DUSP7: variants seen among roughly 807,000 people sequenced by gnomAD.
DUSP7 encodes the protein dual specificity protein phosphatase 7.
DUSP7 carries 7 observed loss-of-function variants against 29.8 expected under a neutral mutation model. The ratio of observed to expected loss-of-function variants is 0.24; its 90% CI spans 0.13 to 0.44. The LOEUF is 0.44. Among genes scored for constraint, DUSP7 ranks in the 20% least tolerant of loss-of-function variants. The probability of loss-of-function intolerance (pLI) is 1.00; values close to 1 mark genes in which losing one functional copy is unlikely to be tolerated. For synonymous variants in DUSP7, 287 were observed against 275.4 expected (o/e 1.04, Z -0.42); for missense variants, 400 against 583.7 (o/e 0.69, Z 3.24).
At position 52,051,312 on chromosome 3, in the gene DUSP7, G is replaced by A. The variant is rs780396796; in HGVS notation, c.953-190C>T. 9.2e-5 allele frequency among the ~76,000 whole-genome samples: 14 copies of A among 152,220 alleles called. 1 individual carries two copies. Among genetic ancestry groups the A allele is most frequent in the African/African-American group, 3.1e-4 (13 of 41,446 alleles). Reference sequence around the variant, plus strand: ...AATAGAGGTCAACAGCACTGCTGTGGAGAGGGCTCTGCACACTTTAGCCCC... The same window carrying A: ...AATAGAGGTCAACAGCACTGCTGTGAAGAGGGCTCTGCACACTTTAGCCCC... On this transcript the variant is annotated intron_variant, in intron 2 of 2. Coordinates refer to ENST00000495880, the MANE Select transcript of DUSP7 (RefSeq NM_001947.4). The surrounding 1 kb of genome is among the most constrained non-coding windows in gnomAD (Gnocchi z 4.8).
In DUSP7 at chr3:52,054,325, G is replaced by A. The variant is rs754507366; in HGVS notation, c.567C>T (p.Asn189=). The change falls in exon 2 of 3, where the codon AAC becomes AAT. Residue 189 remains asparagine, a synonymous_variant. Transcript: ENST00000495880. The surrounding 1 kb of genome is among the most constrained non-coding windows in gnomAD (Gnocchi z 4.1). ...QTEYSEHCET[N]VDSSSSPSSS... The stretch of plus-strand genomic sequence containing the variant: ...TGCTCGGCGAGGAAGAGCTGTCCAC[G>A]TTGGTCTCGCAGTGCTCAGAGTACT... 40 of 1,569,218 alleles carry A rather than the reference G, an allele frequency of 2.5e-5. No homozygotes were observed. Among genetic ancestry groups the A allele is most frequent in the Non-Finnish European group, 2.9e-5 (34 of 1,156,980 alleles).
rs1330791146 is a variant in DUSP7, at chr3:52,054,183, C to G, written c.709G>C (p.Val237Leu). The G allele has an allele frequency of 1.2e-6, 2 of 1,613,730 alleles. No individual in the cohort carries two copies. Among genetic ancestry groups the G allele is most frequent in the Non-Finnish European group, 1.7e-6 (2 of 1,179,844 alleles). ...SSATESDGSP[V>L]PSSQPAFPVQ... ...GGGAAGGCTGGTTGGCTGGATGGCA[C>G]AGGGCTGCCGTCTGACTCGGTGGCA... The change falls in exon 2 of 3, where the codon GTG becomes CTG. Residue 237 changes from valine (V) to leucine (L), a missense_variant. Val to Leu is a conservative substitution (Grantham distance 32, BLOSUM62 1). Around this residue, in one of 4 missense-constraint regions of DUSP7, gnomAD observed 223 missense variants for 360.9 expected, o/e 0.62. Transcript: ENST00000495880. This position sits in a 1 kb window ranked among gnomAD's most constrained non-coding sequence, Gnocchi z 4.1.
Position 52,055,590 on chromosome 3 carries a change from G to A in DUSP7, c.517+260C>T, listed in dbSNP as rs117299655. Reference sequence around the variant, plus strand: ...AGGCACTACTGTCGCCCCATCAACAGGAAAAAAAAGGAAACCCCAGGCAGG... The same window carrying A: ...AGGCACTACTGTCGCCCCATCAACAAGAAAAAAAAGGAAACCCCAGGCAGG... On this transcript the variant is annotated intron_variant, in intron 1 of 2. Coordinates refer to ENST00000495880, the MANE Select transcript of DUSP7 (RefSeq NM_001947.4). Among the ~76,000 whole-genome samples, 285 of 152,136 alleles carry A rather than the reference G, an allele frequency of 1.9e-3. 11 individuals are homozygous for A. In the East Asian group the frequency reaches 0.044, roughly 24 times the overall value.
At position 52,049,865 on chromosome 3, in the gene DUSP7, C is replaced by T. The variant is rs1291850937; in HGVS notation, c.*950G>A. The T allele has an allele frequency of 6.6e-6, 1 of 152,212 alleles. No individual in the cohort carries two copies. Among genetic ancestry groups the T allele is most frequent in the Non-Finnish European group, 1.5e-5 (1 of 68,054 alleles). The allele number at this position is 152,212 out of a possible 1,614,324, so 9.4% of individuals were successfully genotyped here. On this transcript the variant is annotated 3_prime_UTR_variant, in exon 3 of 3. Coordinates refer to ENST00000495880, the MANE Select transcript of DUSP7 (RefSeq NM_001947.4). Reference sequence around the variant, plus strand: ...AGCCCAGGCCTTCTTAGGGGCTGACCCCAGAGGGCTAATGCTACTGCCTGG... The same window carrying T: ...AGCCCAGGCCTTCTTAGGGGCTGACTCCAGAGGGCTAATGCTACTGCCTGG...
At chr3:52,055,031 C>CCCCA (rs1352558682) in intron 1 of DUSP7, among the ~76,000 whole-genome samples, 14 of 152,210 alleles carry the variant, frequency 9.2e-5, no homozygotes, top group Non-Finnish European at 1.5e-4. Flanking sequence ...CAAGCCCCAC[C>CCCCA]CCCAGCCTTG....
Position 52,050,755 on chromosome 3 carries a change from C to G in DUSP7, c.*60G>C. The G allele has an allele frequency of 6.5e-7, 1 of 1,532,584 alleles. No homozygotes were observed. The highest frequency in any genetic ancestry group is 8.8e-7 in the Non-Finnish European group (1 of 1,134,058). 94.9% of individuals were successfully genotyped at this position (1,532,584 alleles called of 1,614,324 possible). A position where few individuals can be genotyped will look rare whatever the true frequency, so the allele number is the denominator to read the frequency against. On this transcript the variant is annotated 3_prime_UTR_variant, in exon 3 of 3. Coordinates refer to ENST00000495880, the MANE Select transcript of DUSP7 (RefSeq NM_001947.4). The surrounding 1 kb of genome is among the most constrained non-coding windows in gnomAD (Gnocchi z 5.0). ...CAGAGGTGGCGGGCTTGGGCTCTCCCACCTAGCCCTGTGGAGAGCCGAGCA... is the reference window on the plus strand; with the variant it reads ...CAGAGGTGGCGGGCTTGGGCTCTCCGACCTAGCCCTGTGGAGAGCCGAGCA...
At position 52,056,420 on chromosome 3, in the gene DUSP7, GC is replaced by G. The variant is rs1701901754; in HGVS notation, c.-55del. On this transcript the variant is annotated 5_prime_UTR_variant, in exon 1 of 3. Coordinates refer to ENST00000495880, the MANE Select transcript of DUSP7 (RefSeq NM_001947.4). The surrounding 1 kb of genome is among the most constrained non-coding windows in gnomAD (Gnocchi z 6.4). ...CCGGGCAGCCCTGCCCTGGGACGGC[GC>G]CCCGGCCGCGCGGGCCCCAGCCGCG... The G allele has an allele frequency of 1.1e-6, 1 of 936,060 alleles. No individual in the cohort carries two copies. The highest frequency in any genetic ancestry group is 1.3e-6 in the Non-Finnish European group (1 of 785,876). The allele number at this position is 936,060 out of a possible 1,614,324, so 58.0% of individuals were successfully genotyped here.
Position 52,053,754 on chromosome 3 carries a change from A to T in DUSP7, c.952+186T>A. Reference sequence around the variant, plus strand: ...GGAGACTGCTCAGGCCCCAACAGGTAGAGGGGCCCAAGGGACTCGGTGACT... The same window carrying T: ...GGAGACTGCTCAGGCCCCAACAGGTTGAGGGGCCCAAGGGACTCGGTGACT... On this transcript the variant is annotated intron_variant, in intron 2 of 2. Transcript: ENST00000495880. This position sits in a 1 kb window ranked among gnomAD's most constrained non-coding sequence, Gnocchi z 4.6. 1.6e-6 allele frequency: 1 copy of T among 636,652 alleles called. No individual in the cohort carries two copies. Among genetic ancestry groups the T allele is most frequent in the Non-Finnish European group, 2.7e-6 (1 of 367,270 alleles). 39.4% of individuals were successfully genotyped at this position (636,652 alleles called of 1,614,324 possible).
Position 52,051,091 on chromosome 3 carries a change from C to T in DUSP7, c.984G>A (p.Leu328=). The change falls in exon 3 of 3, where the codon CTG becomes CTA. Residue 328 remains leucine, a synonymous_variant. Coordinates refer to ENST00000495880, the MANE Select transcript of DUSP7 (RefSeq NM_001947.4). This position sits in a 1 kb window ranked among gnomAD's most constrained non-coding sequence, Gnocchi z 4.8. ...DEARSKKCGV[L]VHCLAGISRS... ...GGCTGATGCCTGCCAGGCAGTGCAC[C>T]AGGACACCACACTTCTTGGAGCGGG... 2 of 1,612,016 alleles carry T rather than the reference C, an allele frequency of 1.2e-6. No individual in the cohort carries two copies. The highest frequency in any genetic ancestry group is 1.3e-5 in the African/African-American group (1 of 75,054).
chr3:52,051,217 G>A lies in DUSP7; in HGVS notation c.953-95C>T. 7.0e-7 allele frequency: 1 copy of A among 1,423,810 alleles called. No homozygotes were observed. The highest frequency in any genetic ancestry group is 9.4e-7 in the Non-Finnish European group (1 of 1,061,354). The allele number at this position is 1,423,810 out of a possible 1,614,324, so 88.2% of individuals were successfully genotyped here. ...GGGCTGGGGCACAGAGGGCAGCATG[G>A]TGGCTGGCTGGTCTTGCCCGACCCC... is the stretch of plus-strand genomic sequence containing the variant. On this transcript the variant is annotated intron_variant, in intron 2 of 2. Coordinates refer to ENST00000495880, the MANE Select transcript of DUSP7 (RefSeq NM_001947.4). The surrounding 1 kb of genome is among the most constrained non-coding windows in gnomAD (Gnocchi z 4.8).
rs1701882052 is a variant in DUSP7, at chr3:52,054,771, C to G, written c.518-397G>C. Among the ~76,000 whole-genome samples, 1 of 152,184 alleles carries G rather than the reference C, an allele frequency of 6.6e-6. No homozygotes were observed. Among genetic ancestry groups the G allele is most frequent in the Non-Finnish European group, 1.5e-5 (1 of 68,022 alleles). On this transcript the variant is annotated intron_variant, in intron 1 of 2. Transcript: ENST00000495880. This position sits in a 1 kb window ranked among gnomAD's most constrained non-coding sequence, Gnocchi z 4.1. ...AAGTGGTAAAGAAAAGCAGACAACC[C>G]CATCTTAGCCAGCACCTCTGGGTTG... is the stretch of plus-strand genomic sequence containing the variant.
Position 52,053,845 on chromosome 3 carries a change from A to G in DUSP7, c.952+95T>C. ...ACGTAGGGCACACACAGGTCTCAACAGGCCCAGAGGTACCCAGTCAGGCGG... is the reference window on the plus strand; with the variant it reads ...ACGTAGGGCACACACAGGTCTCAACGGGCCCAGAGGTACCCAGTCAGGCGG... On this transcript the variant is annotated intron_variant, in intron 2 of 2. Coordinates refer to ENST00000495880, the MANE Select transcript of DUSP7 (RefSeq NM_001947.4). The surrounding 1 kb of genome is among the most constrained non-coding windows in gnomAD (Gnocchi z 4.6). 1 of 1,404,108 alleles carries G rather than the reference A, an allele frequency of 7.1e-7. No homozygotes were observed. The highest frequency in any genetic ancestry group is 1.0e-6 in the Non-Finnish European group (1 of 1,003,782). 87.0% of individuals were successfully genotyped at this position (1,404,108 alleles called of 1,614,324 possible).
chr3:52,056,157 C>A lies in DUSP7; in HGVS notation c.210G>T (p.Ala70=). ...GCCGGCAGTCGAGCAGCAGCAAGGA[C>A]GCGCCGCCGCGCGCCTCCAGCTCCT... is the stretch of plus-strand genomic sequence containing the variant. ...LQEELEARGG[A]SLLLLDCRPH... The change falls in exon 1 of 3, where the codon GCG becomes GCT. Residue 70 remains alanine, a synonymous_variant. Transcript: ENST00000495880. The surrounding 1 kb of genome is among the most constrained non-coding windows in gnomAD (Gnocchi z 6.4). The A allele has an allele frequency of 6.3e-7, 1 of 1,591,558 alleles. No homozygotes were observed. Among genetic ancestry groups the A allele is most frequent in the Non-Finnish European group, 8.5e-7 (1 of 1,175,040 alleles).
rs770045955 is a variant in DUSP7 at position 52,053,879 on chromosome 3, C to T, written c.952+61G>A. On this transcript the variant is annotated intron_variant, in intron 2 of 2. Transcript: ENST00000495880. This position sits in a 1 kb window ranked among gnomAD's most constrained non-coding sequence, Gnocchi z 4.6. Reference sequence around the variant, plus strand: ...GGTACCCAGTCAGGCGGGGGCGCCACCCAGAGTCCTGCATACACCTTGATG... The same window carrying T: ...GGTACCCAGTCAGGCGGGGGCGCCATCCAGAGTCCTGCATACACCTTGATG... 1.9e-6 allele frequency: 3 copies of T among 1,596,364 alleles called. No homozygotes were observed. The Middle Eastern group carries it at 5.0e-4, about 265-fold the overall frequency.
rs376534476 is a variant in DUSP7 at position 52,053,923 on chromosome 3, C to T, written c.952+17G>A. On this transcript the variant is annotated intron_variant, in intron 2 of 2. Transcript: ENST00000495880. This position sits in a 1 kb window ranked among gnomAD's most constrained non-coding sequence, Gnocchi z 4.6. ...CTTGATGCACCCACACCCCCCTGCC[C>T]AGCACACAGCACCTACCAATGAAGC... The T allele has an allele frequency of 9.3e-6, 15 of 1,613,960 alleles. No homozygotes were observed. In the African/African-American group the frequency reaches 1.7e-4, roughly 19 times the overall value.
Position 52,053,746 on chromosome 3 carries a change from C to G in DUSP7, c.952+194G>C. Reference sequence around the variant, plus strand: ...AGGACTCAGGAGACTGCTCAGGCCCCAACAGGTAGAGGGGCCCAAGGGACT... The same window carrying G: ...AGGACTCAGGAGACTGCTCAGGCCCGAACAGGTAGAGGGGCCCAAGGGACT... On this transcript the variant is annotated intron_variant, in intron 2 of 2. Coordinates refer to ENST00000495880, the MANE Select transcript of DUSP7 (RefSeq NM_001947.4). This position sits in a 1 kb window ranked among gnomAD's most constrained non-coding sequence, Gnocchi z 4.6. 1.6e-6 allele frequency: 1 copy of G among 626,994 alleles called. No individual in the cohort carries two copies. The highest frequency in any genetic ancestry group is 2.8e-6 in the Non-Finnish European group (1 of 359,850). 38.8% of individuals were successfully genotyped at this position (626,994 alleles called of 1,614,324 possible). A position where few individuals can be genotyped will look rare whatever the true frequency, so the allele number is the denominator to read the frequency against.
rs1701869975 is a variant in DUSP7, at chr3:52,053,828, C to T, written c.952+112G>A. On this transcript the variant is annotated intron_variant, in intron 2 of 2. Transcript: ENST00000495880. This position sits in a 1 kb window ranked among gnomAD's most constrained non-coding sequence, Gnocchi z 4.6. Reference sequence around the variant, plus strand: ...CGGGCACACGCTGGCACACGTAGGGCACACACAGGTCTCAACAGGCCCAGA... The same window carrying T: ...CGGGCACACGCTGGCACACGTAGGGTACACACAGGTCTCAACAGGCCCAGA... 2 of 1,202,130 alleles carry T rather than the reference C, an allele frequency of 1.7e-6. No homozygotes were observed. Among genetic ancestry groups the T allele is most frequent in the East Asian group, 2.4e-5 (1 of 40,836 alleles). 74.5% of individuals were successfully genotyped at this position (1,202,130 alleles called of 1,614,324 possible). A position where few individuals can be genotyped will look rare whatever the true frequency, so the allele number is the denominator to read the frequency against.
In DUSP7 at chr3:52,056,373, C is replaced by G; in HGVS notation, c.-7G>C. The stretch of plus-strand genomic sequence containing the variant: ...CGCGGAGCTGGTTTTTCATGGGGAG[C>G]GCGGGCGGCCCGGGGCCGGGGCCGG... On this transcript the variant is annotated 5_prime_UTR_variant, in exon 1 of 3. Transcript: ENST00000495880. The surrounding 1 kb of genome is among the most constrained non-coding windows in gnomAD (Gnocchi z 6.4). 9.1e-7 allele frequency: 1 copy of G among 1,098,446 alleles called. No homozygotes were observed. Among genetic ancestry groups the G allele is most frequent in the Non-Finnish European group, 1.1e-6 (1 of 904,708 alleles). 68.0% of individuals were successfully genotyped at this position (1,098,446 alleles called of 1,614,324 possible). A position where few individuals can be genotyped will look rare whatever the true frequency, so the allele number is the denominator to read the frequency against.
chr3:52,055,670 C>A (rs1379524491), intron 1 of DUSP7, among the ~76,000 whole-genome samples, 180 bp downstream of exon 1: 1 of 152,234 alleles, frequency 6.6e-6, no homozygotes, highest in Non-Finnish European at 1.5e-5. Context: ...GCAGAGGGAG[C>A]CCCGCGCCTG....
Sources: allele counts gnomAD v4.1 joint callset (sites outside exome capture counted in the v4.1 genomes callset), GRCh38; gene constraint gnomAD v4.1.1; regional missense constraint gnomAD v4.1.1; non-coding constraint Gnocchi (gnomAD v3.1); transcripts MANE v1.5; gene names NCBI Gene and HGNC (gene_info 2026-07-23, HGNC 2026-07-21).